Variants in OPCML observed in about 807,000 individuals in gnomAD.
OPCML encodes the protein opioid-binding protein/cell adhesion molecule.
In OPCML, 13 loss-of-function variants were observed where a neutral mutation model predicts 37.8. That is an observed-to-expected ratio of 0.34 (90% CI 0.22 to 0.55). The LOEUF is 0.55. Ranked by LOEUF, OPCML falls within the 20% of genes least tolerant of loss-of-function variation. The pLI is 0.91. For missense variants in OPCML, 341 were observed against 435.6 expected, an observed-to-expected ratio of 0.78 and a Z score of 1.93; for synonymous variants, 176 against 168.8, an observed-to-expected ratio of 1.04 and a Z score of -0.33.
chr11:132,659,745 A>G (rs1183427210), intron 2 of OPCML, among the ~76,000 whole-genome samples: 1 of 150,410 alleles, frequency 6.6e-6, no homozygotes, highest in Non-Finnish European at 1.5e-5. Context: ...TGTTCAGTAG[A>G]ATTTAAATAT....
Position 132,436,586 on chromosome 11 carries a change from C to T in OPCML, c.764+73G>A, listed in dbSNP as rs557692931. The T allele has an allele frequency of 1.2e-3, 1,886 of 1,585,156 alleles. 1 individual carries two copies. Among genetic ancestry groups the T allele is most frequent in the Non-Finnish European group, 1.5e-3 (1,693 of 1,163,412 alleles). On this transcript the variant is annotated intron_variant, in intron 6 of 7. Transcript: ENST00000524381. ...CCTTATCTTTCCCCTTTTCTTCATCCTCATCCTTCTCCCATGTGGGGATAG... is the reference window on the plus strand; with the variant it reads ...CCTTATCTTTCCCCTTTTCTTCATCTTCATCCTTCTCCCATGTGGGGATAG...
chr11:133,319,908 A>T (rs1264331007), intron 1 of OPCML, among the ~76,000 whole-genome samples: 1 of 152,180 alleles, frequency 6.6e-6, no homozygotes, highest in East Asian at 1.9e-4. Context: ...AAAAAACAGA[A>T]TTTTTTGGAA....
chr11:133,327,316 C>A (rs954658393), intron 1 of OPCML, among the ~76,000 whole-genome samples: 2 of 151,742 alleles, frequency 1.3e-5, no homozygotes, highest in African/African-American at 4.9e-5. Flanking sequence ...CTAGAAGGAT[C>A]CATTTGTATA....
chr11:132,548,386 A>G (rs1303566248), intron 3 of OPCML, among the ~76,000 whole-genome samples: 1 of 152,156 alleles, frequency 6.6e-6, no homozygotes, highest in Non-Finnish European at 1.5e-5. Context: ...GCCCCAGAAC[A>G]AAGGAGAATG....
intron 3 of OPCML, among the ~76,000 whole-genome samples, chr11:132,608,018 T>A (rs1160099950): frequency 2.0e-5 from 3 of 152,192 alleles, no homozygotes; most frequent in Non-Finnish European, 4.4e-5. Context: ...TTTGAATGTT[T>A]CTCGCATAAA....
chr11:132,432,555 C>A (rs781329998), intron 7 of OPCML, among the ~76,000 whole-genome samples: 1 of 152,218 alleles, frequency 6.6e-6, no homozygotes, highest in African/African-American at 2.4e-5. Context: ...GAGACACATA[C>A]CCCTTCCTCT....
At chr11:133,082,690 A>T (rs963850723) in intron 1 of OPCML, among the ~76,000 whole-genome samples, 11 of 116,954 alleles carry the variant, frequency 9.4e-5, no homozygotes, top group South Asian at 3.2e-4. Flanking sequence ...GTCAGCTACG[A>T]AGCCGGGCGA....
At chr11:133,397,876 G>C (rs1453046731) in intron 1 of OPCML, among the ~76,000 whole-genome samples, 1 of 152,164 alleles carries the variant, frequency 6.6e-6, no homozygotes, top group Non-Finnish European at 1.5e-5. Context: ...CCTTTGAAAA[G>C]GTAGAGGCAT....
At chr11:133,371,830 C>T (rs976870145) in intron 1 of OPCML, among the ~76,000 whole-genome samples, 7 of 152,136 alleles carry the variant, frequency 4.6e-5, no homozygotes, top group Non-Finnish European at 7.4e-5. Context: ...TACTGGAATA[C>T]TATTTGGCCA....
intron 1 of OPCML, among the ~76,000 whole-genome samples, chr11:132,965,528 GTTT>G (rs776811312): frequency 1.3e-5 from 2 of 151,846 alleles, no homozygotes; most frequent in African/African-American, 4.8e-5. Flanking sequence ...GTTGTTTGTT[GTTT>G]TTTGTTTGTT....
At chr11:133,481,768 A>G (rs1246710181) in intron 1 of OPCML, among the ~76,000 whole-genome samples, 1 of 152,242 alleles carries the variant, frequency 6.6e-6, no homozygotes, top group East Asian at 1.9e-4. Flanking sequence ...AATAATGTGC[A>G]GGACAGTGTT....
chr11:132,816,286 A>G (rs1939633890), intron 2 of OPCML, among the ~76,000 whole-genome samples: 1 of 152,172 alleles, frequency 6.6e-6, no homozygotes, highest in Non-Finnish European at 1.5e-5. Flanking sequence ...AGGGCCAGAT[A>G]ATAAATCCTT....
chr11:132,474,358 G>T (rs1359089903), intron 4 of OPCML, among the ~76,000 whole-genome samples: 1 of 152,080 alleles, frequency 6.6e-6, no homozygotes, highest in Non-Finnish European at 1.5e-5. Context: ...TAAATTAAGA[G>T]GAATTGGACC....
chr11:132,637,452 C>T (rs1940579782), intron 3 of OPCML, among the ~76,000 whole-genome samples: 2 of 152,122 alleles, frequency 1.3e-5, no homozygotes, highest in Non-Finnish European at 2.9e-5. Context: ...ACAGTTACTA[C>T]TCTTGAGCCA....
intron 1 of OPCML, among the ~76,000 whole-genome samples, chr11:133,396,564 G>A (rs1325393018): frequency 2.6e-5 from 4 of 152,114 alleles, no homozygotes; most frequent in East Asian, 3.9e-4. Flanking sequence ...TGAATCACTA[G>A]TCTAGTGATC....
At chr11:132,776,605 G>A (rs1946818593) in intron 2 of OPCML, among the ~76,000 whole-genome samples, 1 of 151,954 alleles carries the variant, frequency 6.6e-6, no homozygotes, top group Non-Finnish European at 1.5e-5. Context: ...TGGGCCACAT[G>A]ACATGCTGGT....
At chr11:132,543,545 A>C (rs1038967132) in intron 3 of OPCML, among the ~76,000 whole-genome samples, 1 of 152,128 alleles carries the variant, frequency 6.6e-6, no homozygotes, top group Non-Finnish European at 1.5e-5. Flanking sequence ...AAAAATAAAA[A>C]CAAAAAAATA....
At chr11:133,216,085 T>A (rs1297120317) in intron 1 of OPCML, among the ~76,000 whole-genome samples, 1 of 152,044 alleles carries the variant, frequency 6.6e-6, no homozygotes, top group East Asian at 1.9e-4. Flanking sequence ...ATGTGTGGGT[T>A]TCAAGGTGCA....
In OPCML at chr11:132,943,947, A is replaced by C. The variant is rs1945675302; in HGVS notation, c.62-937T>G. Among the ~76,000 whole-genome samples, 1 of 151,864 alleles carries C rather than the reference A, an allele frequency of 6.6e-6. No individual in the cohort carries two copies. The highest frequency in any genetic ancestry group is 1.5e-5 in the Non-Finnish European group (1 of 67,904). On this transcript the variant is annotated intron_variant, in intron 1 of 7. Transcript: ENST00000524381. This position sits in a 1 kb window ranked among gnomAD's most constrained non-coding sequence, Gnocchi z 4.3. ...CCCGGACCGCCGGGGTTGTCATGGCAGCAGCTCCATCCCTGACCGCCACTT... is the reference window on the plus strand; with the variant it reads ...CCCGGACCGCCGGGGTTGTCATGGCCGCAGCTCCATCCCTGACCGCCACTT...
Sources: gnomAD v4.1 joint callset for allele counts (sites outside exome capture counted in the v4.1 genomes callset) on GRCh38, gnomAD v4.1.1 for gene constraint, Gnocchi (gnomAD v3.1) non-coding constraint, MANE v1.5 for transcripts, NCBI Gene and HGNC (gene_info 2026-07-23, HGNC 2026-07-21) for gene names.